The following MAP2K6 variants were observed in gnomAD, a reference collection of about 807,000 sequenced individuals.
MAP2K6 encodes the protein dual specificity mitogen-activated protein kinase kinase 6.
Under a neutral mutation model 53.7 loss-of-function variants are expected in MAP2K6, and 16 were observed. The observed-to-expected ratio is 0.30, with a 90% CI of 0.20 to 0.45. MAP2K6 has a LOEUF of 0.45. MAP2K6 is among the 20% of genes least tolerant of loss of function. The pLI is 1.00. For missense variants in MAP2K6, 204 were observed against 411.9 expected (o/e 0.50, Z 4.37); for synonymous variants, 132 against 143.1 (o/e 0.92, Z 0.55).
intron 1 of MAP2K6, among the ~76,000 whole-genome samples, chr17:69,478,248 AG>A (rs1275911048): frequency 2.0e-5 from 3 of 152,222 alleles, no homozygotes; most frequent in Non-Finnish European, 4.4e-5. Context: ...TCAACCAAAG[AG>A]GCCAGTTTGC....
At chr17:69,492,387 G>A (rs1175248594) in intron 1 of MAP2K6, among the ~76,000 whole-genome samples, 1 of 152,092 alleles carries the variant, frequency 6.6e-6, no homozygotes, top group Non-Finnish European at 1.5e-5. Flanking sequence ...AGTTATTCCG[G>A]CACCTTTTAT....
intron 1 of MAP2K6, among the ~76,000 whole-genome samples, chr17:69,476,365 G>A (rs368436729): frequency 1.2e-4 from 18 of 152,274 alleles, no homozygotes; most frequent in Admixed American, 2.6e-4. Flanking sequence ...GGGCCGGGGC[G>A]TGAATCAAGG....
chr17:69,489,835 A>T (rs1311033628), intron 1 of MAP2K6, among the ~76,000 whole-genome samples: 1 of 152,216 alleles, frequency 6.6e-6, no homozygotes, highest in African/African-American at 2.4e-5. Flanking sequence ...AAGTGTCACC[A>T]GTGGGAAATG....
intron 1 of MAP2K6, among the ~76,000 whole-genome samples, chr17:69,486,550 G>T (rs1414072695): frequency 6.6e-6 from 1 of 152,162 alleles, no homozygotes; most frequent in Admixed American, 6.6e-5. Context: ...TTGGGATAAG[G>T]TGAGCAGGGA....
chr17:69,455,890 T>C (rs897926983), intron 1 of MAP2K6, among the ~76,000 whole-genome samples: 2 of 146,388 alleles, frequency 1.4e-5, no homozygotes, highest in African/African-American at 2.5e-5. Context: ...GACAGAGTTT[T>C]GCTCTCGTTG....
chr17:69,466,271 C>T (rs188021791), intron 1 of MAP2K6, among the ~76,000 whole-genome samples: 286 of 143,118 alleles, frequency 2.0e-3, no homozygotes, highest in African/African-American at 6.9e-3. Context: ...GCCTGGGTGA[C>T]GGAGTGAGAC....
intron 1 of MAP2K6, among the ~76,000 whole-genome samples, chr17:69,424,137 G>C (rs1906186533): frequency 6.6e-6 from 1 of 152,086 alleles, no homozygotes; most frequent in Non-Finnish European, 1.5e-5. Flanking sequence ...CCTAACCCCG[G>C]GTGGGCAATT....
rs571878564 is a variant in MAP2K6 at position 69,438,129 on chromosome 17, G to T, written c.16+23129G>T. ...CTCAGGGATGAGGAAACCTTTCCGAGGGGGACAGGAGACTTTCTGGTGCCA... is the reference window on the plus strand; with the variant it reads ...CTCAGGGATGAGGAAACCTTTCCGATGGGGACAGGAGACTTTCTGGTGCCA... On this transcript the variant is annotated intron_variant, in intron 1 of 11. Coordinates refer to ENST00000590474, the MANE Select transcript of MAP2K6 (RefSeq NM_002758.4). Among the ~76,000 whole-genome samples, 3 of 152,252 alleles carry T rather than the reference G, an allele frequency of 2.0e-5. No individual in the cohort carries two copies. In the South Asian group the frequency reaches 6.2e-4, roughly 31 times the overall value.
At chr17:69,517,673 A>G (rs931258988) in intron 4 of MAP2K6, 60 bp downstream of exon 4, 26 of 1,150,178 alleles carry the variant, frequency 2.3e-5, no homozygotes, top group African/African-American at 1.4e-4. Context: ...GTCCACCTCA[A>G]TTGTCAACCA....
intron 1 of MAP2K6, among the ~76,000 whole-genome samples, chr17:69,501,926 T>TC: frequency 6.6e-6 from 1 of 151,928 alleles, no homozygotes; most frequent in African/African-American, 2.4e-5. Flanking sequence ...ATGTTTTTTT[T>TC]TTTTTTTTTT....
chr17:69,511,248 G>C (rs1909792073), intron 2 of MAP2K6, among the ~76,000 whole-genome samples: 1 of 152,236 alleles, frequency 6.6e-6, no homozygotes, highest in Admixed American at 6.5e-5. Context: ...TTATTGTAGA[G>C]TATACCGCTG....
At chr17:69,419,271 AT>A (rs1335233631) in intron 1 of MAP2K6, among the ~76,000 whole-genome samples, 48 of 152,332 alleles carry the variant, frequency 3.2e-4, no homozygotes, top group Non-Finnish European at 6.8e-4. Context: ...TTGCCCAATT[AT>A]TTCTTTAGGA....
chr17:69,470,385 A>G (rs961798231), intron 1 of MAP2K6, among the ~76,000 whole-genome samples: 2 of 152,344 alleles, frequency 1.3e-5, no homozygotes, highest in East Asian at 3.9e-4. Flanking sequence ...AGCATCACCA[A>G]GATGAGGCCC....
At chr17:69,482,312 TAAACTTAGTTTTCTGA>T (rs1908376181) in intron 1 of MAP2K6, among the ~76,000 whole-genome samples, 1 of 152,150 alleles carries the variant, frequency 6.6e-6, no homozygotes, top group Non-Finnish European at 1.5e-5. Flanking sequence ...ATTATTTTTT[TAAACTTAGTTTTCTGA>T]ATAGGTACTA....
At chr17:69,530,537 G>C (rs1387724439) in intron 10 of MAP2K6, among the ~76,000 whole-genome samples, 1 of 152,016 alleles carries the variant, frequency 6.6e-6, no homozygotes, top group African/African-American at 2.4e-5. Flanking sequence ...AAATAGAAGG[G>C]AATCGTTAAT....
intron 1 of MAP2K6, among the ~76,000 whole-genome samples, chr17:69,437,312 A>G (rs1034367752): frequency 6.6e-6 from 1 of 152,218 alleles, no homozygotes; most frequent in Admixed American, 6.5e-5. Flanking sequence ...CAGGAAGAGA[A>G]AATATATTTA....
rs943753549 is a variant in MAP2K6 at position 69,542,965 on chromosome 17, A to G, written c.*1212A>G. On this transcript the variant is annotated 3_prime_UTR_variant, in exon 12 of 12. Coordinates refer to ENST00000590474, the MANE Select transcript of MAP2K6 (RefSeq NM_002758.4). ...CCTGGGCATGGACTACCAGATGACC[A>G]CAAGTTGCGTTGAGGCCGCATCTTT... 1 of 152,254 alleles carries G rather than the reference A, an allele frequency of 6.6e-6. No individual in the cohort carries two copies. Among genetic ancestry groups the G allele is most frequent in the Non-Finnish European group, 1.5e-5 (1 of 68,042 alleles). The allele number at this position is 152,254 out of a possible 1,614,324, so 9.4% of individuals were successfully genotyped here.
Position 69,463,336 on chromosome 17 carries a change from ATATG to A in MAP2K6, c.17-42440_17-42437del, listed in dbSNP as rs1301999624. 4.0e-5 allele frequency among the ~76,000 whole-genome samples: 6 copies of A among 150,026 alleles called. 1 individual carries two copies. Among genetic ancestry groups the A allele is most frequent in the African/African-American group, 1.2e-4 (5 of 40,968 alleles). ...TATATATCACTATATAATAGTGAAT[ATATG>A]TATATTATTCACTAATATACATATA... On this transcript the variant is annotated intron_variant, in intron 1 of 11. Transcript: ENST00000590474.
intron 11 of MAP2K6, among the ~76,000 whole-genome samples, chr17:69,536,461 A>T (rs1247180823): frequency 1.3e-5 from 2 of 152,250 alleles, no homozygotes; most frequent in African/African-American, 4.8e-5. Context: ...GAGAAGCCTC[A>T]TATTACTAAG....
Sources: gnomAD v4.1 joint callset for allele counts (sites outside exome capture counted in the v4.1 genomes callset) on GRCh38, gnomAD v4.1.1 for gene constraint, MANE v1.5 for transcripts, NCBI Gene and HGNC (gene_info 2026-07-23, HGNC 2026-07-21) for gene names.